The following SETBP1 variants were observed in gnomAD, a reference collection of about 807,000 sequenced individuals.
SETBP1 encodes SET-binding protein.
In SETBP1, 9 loss-of-function variants were observed where a neutral mutation model predicts 101.0. The observed-to-expected ratio is 0.09, with a 90% CI of 0.05 to 0.16. SETBP1 has a LOEUF of 0.16. Among genes scored for constraint, SETBP1 ranks in the 10% least tolerant of loss-of-function variants. The pLI is 1.00. For missense variants in SETBP1, 1,858 were observed against 2,033.8 expected, an observed-to-expected ratio of 0.91 and a Z score of 1.66; for synonymous variants, 818 against 788.5, an observed-to-expected ratio of 1.04 and a Z score of -0.63.
chr18:44,897,543 A>T, intron 3 of SETBP1, among the ~76,000 whole-genome samples: 1 of 152,152 alleles, frequency 6.6e-6, no homozygotes, highest in Admixed American at 6.5e-5. Context: ...AGTTCCTCGA[A>T]TCAAGCAGGG....
chr18:45,042,908 T>C (rs2073537892), intron 5 of SETBP1, among the ~76,000 whole-genome samples: 1 of 152,134 alleles, frequency 6.6e-6, no homozygotes, highest in African/African-American at 2.4e-5. Context: ...TAGCTATTGA[T>C]CAGCTGCAGT....
upstream of SETBP1, chr18:44,680,404 G>C (rs1484680764): frequency 2.0e-5 from 3 of 151,838 alleles, no homozygotes; most frequent in African/African-American, 7.2e-5. Flanking sequence ...GGGTGAGCAC[G>C]CGCGGCGACC....
chr18:44,744,783 C>A (rs115481678), intron 2 of SETBP1, among the ~76,000 whole-genome samples: 1,946 of 134,986 alleles, frequency 0.014, 31 homozygotes, highest in African/African-American at 0.042. Context: ...AAAAAAAAAA[C>A]AAAAAAAAAA....
chr18:44,734,598 T>A (rs994722619), intron 2 of SETBP1, among the ~76,000 whole-genome samples: 1 of 152,184 alleles, frequency 6.6e-6, no homozygotes, highest in Non-Finnish European at 1.5e-5. Context: ...CTGTTTACAT[T>A]GCTCTGACCT....
chr18:44,710,508 A>G (rs1347518735), intron 2 of SETBP1, among the ~76,000 whole-genome samples: 4 of 148,330 alleles, frequency 2.7e-5, no homozygotes, highest in Non-Finnish European at 4.4e-5. Flanking sequence ...CTGGAGTTCA[A>G]TGGCAGGTTT....
At chr18:44,980,550 A>G (rs1433509558) in intron 4 of SETBP1, among the ~76,000 whole-genome samples, 1 of 152,126 alleles carries the variant, frequency 6.6e-6, no homozygotes, top group Non-Finnish European at 1.5e-5. Flanking sequence ...TCAGTTCTGA[A>G]TAGCCCCGAC....
intron 1 of SETBP1, among the ~76,000 whole-genome samples, chr18:44,692,388 GA>G (rs1568092397): frequency 1.3e-5 from 2 of 152,206 alleles, no homozygotes; most frequent in South Asian, 4.1e-4. Context: ...TTACTAAGTG[GA>G]AAAGGGAGGC....
At chr18:44,852,519 G>A (rs1254418778) in intron 2 of SETBP1, among the ~76,000 whole-genome samples, 3 of 152,070 alleles carry the variant, frequency 2.0e-5, no homozygotes, top group Non-Finnish European at 2.9e-5. Context: ...CCCATATATG[G>A]CCATGTGATC....
intron 3 of SETBP1, among the ~76,000 whole-genome samples, chr18:44,906,138 A>G (rs1311359233): frequency 1.3e-5 from 2 of 152,174 alleles, no homozygotes; most frequent in Non-Finnish European, 2.9e-5. Context: ...CACTAATACC[A>G]AGTAAAGACT....
chr18:44,822,920 A>T (rs1599176270), intron 2 of SETBP1, among the ~76,000 whole-genome samples: 2 of 152,194 alleles, frequency 1.3e-5, no homozygotes, highest in Admixed American at 6.5e-5. Context: ...AGGTGGGCGG[A>T]TCACCAGAGG....
At chr18:44,815,033 A>G (rs1479205110) in intron 2 of SETBP1, among the ~76,000 whole-genome samples, 2 of 152,180 alleles carry the variant, frequency 1.3e-5, no homozygotes, top group African/African-American at 4.8e-5. Context: ...CATATGACAG[A>G]CCCTGATGGT....
intron 3 of SETBP1, among the ~76,000 whole-genome samples, chr18:44,900,973 A>T (rs1397872189): frequency 6.6e-6 from 1 of 152,186 alleles, no homozygotes; most frequent in Non-Finnish European, 1.5e-5. Flanking sequence ...GAAACAAATA[A>T]AATCTCCTGT....
At chr18:44,829,914 T>C (rs558658012) in intron 2 of SETBP1, among the ~76,000 whole-genome samples, 103 of 152,346 alleles carry the variant, frequency 6.8e-4, no homozygotes, top group African/African-American at 2.2e-3. Flanking sequence ...TGAGACTTGA[T>C]GGGTTCTAAA....
At chr18:44,807,107 A>T (rs74958898) in intron 2 of SETBP1, among the ~76,000 whole-genome samples, 4,306 of 152,174 alleles carry the variant, frequency 0.028, 216 homozygotes, top group African/African-American at 0.098. Context: ...TGGGAATCTT[A>T]TATTTTTTTC....
intron 5 of SETBP1, among the ~76,000 whole-genome samples, chr18:45,053,640 C>A (rs1427725945): frequency 1.3e-5 from 2 of 152,132 alleles, no homozygotes; most frequent in Non-Finnish European, 2.9e-5. Flanking sequence ...AGATACTCAC[C>A]ATTATATGTA....
chr18:44,744,071 G>C (rs1197801918), intron 2 of SETBP1, among the ~76,000 whole-genome samples: 1 of 152,178 alleles, frequency 6.6e-6, no homozygotes, highest in Non-Finnish European at 1.5e-5. Flanking sequence ...AATACTGCCT[G>C]CTACACCCCT....
chr18:44,724,421 G>T (rs544078988), intron 2 of SETBP1, among the ~76,000 whole-genome samples: 1 of 152,258 alleles, frequency 6.6e-6, no homozygotes, highest in East Asian at 1.9e-4. Context: ...GGTGGGGGAG[G>T]GGAGCTGGCC....
chr18:44,857,620 T>G lies in SETBP1; in HGVS notation c.487-11610T>G, dbSNP rs564433995. ...AGGGCTTTCAGACTAACTTCGCAGC[T>G]ACTTCCAGTCCTGCTGATGTAGGAT... On this transcript the variant is annotated intron_variant, in intron 2 of 5. Transcript: ENST00000649279. 2.6e-5 allele frequency among the ~76,000 whole-genome samples: 4 copies of G among 152,326 alleles called. No individual in the cohort carries two copies. In the East Asian group the frequency reaches 7.7e-4, roughly 29 times the overall value.
intron 2 of SETBP1, among the ~76,000 whole-genome samples, chr18:44,847,536 G>A (rs983465082): frequency 6.6e-6 from 1 of 152,114 alleles, no homozygotes; most frequent in Non-Finnish European, 1.5e-5. Context: ...CCATCTCCAG[G>A]GCTAGAAACA....
Sources: allele counts gnomAD v4.1 joint callset (sites outside exome capture counted in the v4.1 genomes callset), GRCh38; gene constraint gnomAD v4.1.1; transcripts MANE v1.5; gene names NCBI Gene and HGNC (gene_info 2026-07-23, HGNC 2026-07-21).